Variants in DMD observed in about 807,000 individuals in gnomAD.
DMD encodes dystrophin, also known as mutant dystrophin.
DMD carries 63 observed loss-of-function variants against 330.1 expected under a neutral mutation model. The ratio of observed to expected loss-of-function variants is 0.19; its 90% confidence interval spans 0.16 to 0.24. The LOEUF (loss-of-function observed/expected upper bound fraction) is 0.24. DMD is among the 10% of genes least tolerant of loss of function. DMD has a pLI of 1.00. For missense variants in DMD, 3,344 were observed against 2,684.1 expected (o/e 1.25, Z -5.43); for synonymous variants, 1,223 against 959.8 (o/e 1.27, Z -5.07).
chrX:32,503,537 G>A (rs2044272338), intron 18 of DMD, among the ~76,000 whole-genome samples: 1 of 111,439 alleles, frequency 9.0e-6, no homozygotes, highest in South Asian at 3.8e-4. Context: ...TAAAGAAATA[G>A]CTACAAATGT....
At chrX:32,617,964 A>C (rs1395805576) in intron 11 of DMD, among the ~76,000 whole-genome samples, 1 of 111,871 alleles carries the variant, frequency 8.9e-6, no homozygotes, top group African/African-American at 3.2e-5. Context: ...ACAGATATGA[A>C]AAAATGCTCA....
At chrX:33,012,995 C>T (rs1297980923) in intron 2 of DMD, among the ~76,000 whole-genome samples, 5 of 110,691 alleles carry the variant, frequency 4.5e-5, no homozygotes, top group African/African-American at 1.6e-4. Flanking sequence ...TGTGAGTAAG[C>T]GAGCATTTAA....
intron 11 of DMD, among the ~76,000 whole-genome samples, chrX:32,618,653 A>G (rs941425068): frequency 2.7e-5 from 3 of 111,379 alleles, no homozygotes; most frequent in African/African-American, 9.8e-5. Context: ...GTACCCTTGC[A>G]CCTAAAAGTT....
At chrX:31,306,544 G>T (rs1295435607) in intron 62 of DMD, among the ~76,000 whole-genome samples, 1 of 111,724 alleles carries the variant, frequency 9.0e-6, no homozygotes, top group African/African-American at 3.2e-5. Context: ...GCAATAATCT[G>T]TTCACTATAG....
chrX:32,715,384 G>A (rs1047493705), intron 7 of DMD, among the ~76,000 whole-genome samples: 12 of 104,032 alleles, frequency 1.2e-4, no homozygotes, highest in African/African-American at 4.3e-4. Context: ...GGCTGAGGCA[G>A]GAGAATCTCT....
chrX:33,115,805 G>A (rs191359749), intron 1 of DMD, among the ~76,000 whole-genome samples: 3,196 of 109,414 alleles, frequency 0.029, 127 homozygotes, highest in African/African-American at 0.1. Flanking sequence ...CACTGCGCCC[G>A]GCCAAAAGAA....
At chrX:32,502,828 A>G (rs1286534183) in intron 18 of DMD, among the ~76,000 whole-genome samples, 1 of 110,954 alleles carries the variant, frequency 9.0e-6, no homozygotes, top group African/African-American at 3.3e-5. Flanking sequence ...TACAGATGGG[A>G]GGGCAAATAA....
intron 44 of DMD, among the ~76,000 whole-genome samples, chrX:32,175,325 G>A: frequency 9.1e-6 from 1 of 110,318 alleles, no homozygotes; most frequent in African/African-American, 3.3e-5. Flanking sequence ...GCACCAATCA[G>A]TAGGATTCTA....
chrX:33,170,568 T>C (rs2049286479), intron 1 of DMD, among the ~76,000 whole-genome samples: 1 of 111,467 alleles, frequency 9.0e-6, no homozygotes, highest in Admixed American at 9.5e-5. Flanking sequence ...CTAACATCCA[T>C]ACTGTATTTT....
chrX:32,281,066 A>T (rs1402082491), intron 43 of DMD, among the ~76,000 whole-genome samples: 2 of 112,157 alleles, frequency 1.8e-5, no homozygotes, highest in Non-Finnish European at 3.8e-5. Flanking sequence ...CACAAATGGC[A>T]GCCAGAGCCT....
At chrX:32,251,055 G>C (rs1201204319) in intron 43 of DMD, among the ~76,000 whole-genome samples, 1 of 110,218 alleles carries the variant, frequency 9.1e-6, no homozygotes, top group Non-Finnish European at 1.9e-5. Context: ...TGGGGGGCTA[G>C]GGTAGGGATA....
intron 54 of DMD, among the ~76,000 whole-genome samples, chrX:31,654,468 A>G (rs1366282131): frequency 9.0e-6 from 1 of 111,129 alleles, no homozygotes; most frequent in African/African-American, 3.3e-5. Flanking sequence ...GACATTATTA[A>G]TCTTTCCTTT....
At chrX:32,646,843 A>AGGTC (rs1186963719) in intron 9 of DMD, among the ~76,000 whole-genome samples, 2 of 111,774 alleles carry the variant, frequency 1.8e-5, no homozygotes, top group Non-Finnish European at 3.8e-5. Flanking sequence ...TGGCAGAGAA[A>AGGTC]GGTCATCCTG....
At chrX:33,216,929 A>G (rs2052068595) in intron 1 of DMD, among the ~76,000 whole-genome samples, 3 of 111,735 alleles carry the variant, frequency 2.7e-5, no homozygotes, top group African/African-American at 9.7e-5. Context: ...ATTATTTTAT[A>G]TTACTTTGGA....
At chrX:32,837,020 A>C (rs765298201) in intron 4 of DMD, among the ~76,000 whole-genome samples, 6 of 111,240 alleles carry the variant, frequency 5.4e-5, no homozygotes, top group South Asian at 3.8e-4. Context: ...TTAGTCCCCA[A>C]ATTAGCCAGA....
Position 31,512,994 on chromosome X carries a change from G to A in DMD, c.8218-5541C>T, listed in dbSNP as rs12852100. On this transcript the variant is annotated intron_variant, in intron 55 of 78. Transcript: ENST00000357033. Reference sequence around the variant, plus strand: ...ATGGAATGTTCTTCCATTTGTTTGTGTCCTCTTTTATTTCCTTGAGCAGTG... The same window carrying A: ...ATGGAATGTTCTTCCATTTGTTTGTATCCTCTTTTATTTCCTTGAGCAGTG... Among the ~76,000 whole-genome samples the A allele has an allele frequency of 3.8e-5, 4 of 105,478 alleles. No homozygotes were observed. The South Asian group carries it at 1.8e-3, about 47-fold the overall frequency. The allele number at this position is 105,478 out of a possible 115,157, so 91.6% of individuals were successfully genotyped here. A position where few individuals can be genotyped will look rare whatever the true frequency, so the allele number is the denominator to read the frequency against.
chrX:32,601,334 G>A lies in DMD; in HGVS notation c.1483-5458C>T, dbSNP rs188780089. The stretch of plus-strand genomic sequence containing the variant: ...TTTTGATATTCACTTACTTAAATGT[G>A]ATTGAATATCTTTATTAGTTCTTAT... On this transcript the variant is annotated intron_variant, in intron 12 of 78. Coordinates refer to ENST00000357033, the MANE Select transcript of DMD (RefSeq NM_004006.3). 3.6e-5 allele frequency among the ~76,000 whole-genome samples: 4 copies of A among 111,677 alleles called. No individual in the cohort carries two copies. The Admixed American group carries it at 3.8e-4, about 11-fold the overall frequency.
intron 62 of DMD, among the ~76,000 whole-genome samples, chrX:31,298,909 G>A (rs1449858988): frequency 8.9e-6 from 1 of 112,067 alleles, no homozygotes; most frequent in Non-Finnish European, 1.9e-5. Flanking sequence ...TACACACAAG[G>A]AACATAAATA....
chrX:31,456,874 G>GTA (rs2066214745), intron 59 of DMD, among the ~76,000 whole-genome samples: 1 of 93,537 alleles, frequency 1.1e-5, no homozygotes, highest in Non-Finnish European at 2.1e-5. Context: ...GTGTGTGTGT[G>GTA]TGTATATATA....
Sources: allele counts gnomAD v4.1 joint callset (sites outside exome capture counted in the v4.1 genomes callset), GRCh38; gene constraint gnomAD v4.1.1; transcripts MANE v1.5; gene names NCBI Gene and HGNC (gene_info 2026-07-23, HGNC 2026-07-21).